ACAN: variants seen among roughly 807,000 people sequenced by gnomAD.
ACAN encodes the protein aggrecan core protein.
Under a neutral mutation model 169.1 loss-of-function variants are expected in ACAN, and 47 were observed. The observed-to-expected ratio is 0.28, with a 90% CI of 0.22 to 0.35. The LOEUF is 0.35. Among genes scored for constraint, ACAN ranks in the 10% least tolerant of loss-of-function variants. The pLI, the probability that ACAN is intolerant of heterozygous loss-of-function variation, is 1.00. For missense variants in ACAN, 2,716 were observed against 2,759.9 expected (o/e 0.98, Z 0.36); for synonymous variants, 1,115 against 1,112.2 (o/e 1.00, Z -0.05).
chr15:88,839,869 G>A lies in ACAN; in HGVS notation c.455-143G>A, dbSNP rs1896604393. On this transcript the variant is annotated intron_variant, in intron 3 of 18. Transcript: ENST00000560601. This position sits in a 1 kb window ranked among gnomAD's most constrained non-coding sequence, Gnocchi z 4.5. Reference sequence around the variant, plus strand: ...AAATTCAGAAGGATCACGTGCAAAGGTGTACAGGGAGTCATGCATCAGCCC... The same window carrying A: ...AAATTCAGAAGGATCACGTGCAAAGATGTACAGGGAGTCATGCATCAGCCC... 1.1e-6 allele frequency: 1 copy of A among 908,682 alleles called. No homozygotes were observed. The highest frequency in any genetic ancestry group is 1.7e-5 in the African/African-American group (1 of 60,208). The allele number at this position is 908,682 out of a possible 1,614,324, so 56.3% of individuals were successfully genotyped here. A position where few individuals can be genotyped will look rare whatever the true frequency, so the allele number is the denominator to read the frequency against.
At chr15:88,863,810 A>G (rs545040935) in intron 13 of ACAN, among the ~76,000 whole-genome samples, 1 of 152,386 alleles carries the variant, frequency 6.6e-6, no homozygotes, top group Non-Finnish European at 1.5e-5. Flanking sequence ...GTGAAAATAC[A>G]AAGTATGCCT....
At chr15:88,867,548 G>A (rs141893744) in intron 13 of ACAN, among the ~76,000 whole-genome samples, 179 of 152,274 alleles carry the variant, frequency 1.2e-3, no homozygotes, top group African/African-American at 3.8e-3. Flanking sequence ...TCCCTCTCCC[G>A]AGAGAAAGAT....
intron 1 of ACAN, among the ~76,000 whole-genome samples, chr15:88,808,599 C>T (rs1015830840): frequency 1.3e-5 from 2 of 152,140 alleles, no homozygotes; most frequent in Non-Finnish European, 2.9e-5. Flanking sequence ...TGTCTGGAGA[C>T]ATTTTTTGTT....
intron 1 of ACAN, among the ~76,000 whole-genome samples, chr15:88,810,455 C>T (rs919629464): frequency 2.0e-5 from 3 of 152,098 alleles, no homozygotes; most frequent in Non-Finnish European, 2.9e-5. Flanking sequence ...GCCGCCGCCT[C>T]GGGTCCTGTG....
Position 88,839,065 on chromosome 15 carries a change from GACAGACGCTGCTTCACCC to G in ACAN, c.454+23_454+40del, listed in dbSNP as rs920725677. 2.5e-6 allele frequency: 4 copies of G among 1,597,466 alleles called. No individual in the cohort carries two copies. The African/African-American group carries it at 5.3e-5, about 21-fold the overall frequency. The stretch of plus-strand genomic sequence containing the variant: ...GTGAAAGGTGAGAGCCTCCCACAGG[GACAGACGCTGCTTCACCC>G]ACATAAAGAACCAGAGCAGTCTCCG... On this transcript the variant is annotated intron_variant, in intron 3 of 18. Coordinates refer to ENST00000560601, the MANE Select transcript of ACAN (RefSeq NM_001369268.1). The surrounding 1 kb of genome is among the most constrained non-coding windows in gnomAD (Gnocchi z 4.5).
chr15:88,851,672 T>A lies in ACAN; in HGVS notation c.2027-122T>A. 1 of 1,232,648 alleles carries A rather than the reference T, an allele frequency of 8.1e-7. No homozygotes were observed. Among genetic ancestry groups the A allele is most frequent in the South Asian group, 1.7e-5 (1 of 59,928 alleles). The allele number at this position is 1,232,648 out of a possible 1,614,324, so 76.4% of individuals were successfully genotyped here. ...CTAAGCGAGAAGGCAAACAGCCATC[T>A]GCTGAACTAGGAGGTGGGGCCTGGC... On this transcript the variant is annotated intron_variant, in intron 10 of 18. Coordinates refer to ENST00000560601, the MANE Select transcript of ACAN (RefSeq NM_001369268.1). The surrounding 1 kb of genome is among the most constrained non-coding windows in gnomAD (Gnocchi z 4.3).
intron 1 of ACAN, among the ~76,000 whole-genome samples, chr15:88,809,450 G>T (rs1350684373): frequency 3.3e-5 from 5 of 152,232 alleles, no homozygotes; most frequent in African/African-American, 1.2e-4. Flanking sequence ...CTCCGAAGGA[G>T]GCCTGTGGGG....
rs1160372106 is a variant in ACAN, at chr15:88,849,916, C to T, written c.2026+185C>T. On this transcript the variant is annotated intron_variant, in intron 10 of 18. Transcript: ENST00000560601. The surrounding 1 kb of genome is among the most constrained non-coding windows in gnomAD (Gnocchi z 5.1). ...TTGACCCCAAGGCAAGGTCATCCTT[C>T]TAAAGTTCCCCAGAGACAAGTAGAG... is the stretch of plus-strand genomic sequence containing the variant. The T allele has an allele frequency of 2.4e-6, 2 of 821,738 alleles. No individual in the cohort carries two copies. Among genetic ancestry groups the T allele is most frequent in the Middle Eastern group, 4.3e-4 (2 of 4,602 alleles). The allele number at this position is 821,738 out of a possible 1,614,324, so 50.9% of individuals were successfully genotyped here.
At position 88,871,876 on chromosome 15, in the gene ACAN, G is replaced by A. The variant is rs372227634; in HGVS notation, c.7220-127G>A. On this transcript the variant is annotated intron_variant, in intron 15 of 18. Transcript: ENST00000560601. This position sits in a 1 kb window ranked among gnomAD's most constrained non-coding sequence, Gnocchi z 7.8. ...CCTCTTGTGAGGACCTGAGAAGCAC[G>A]TGCCTTGCTCCTAGGAGCCCACCCA... The A allele has an allele frequency of 2.3e-5, 20 of 863,936 alleles. No individual in the cohort carries two copies. The highest frequency in any genetic ancestry group is 3.6e-5 in the Non-Finnish European group (19 of 522,112). The allele number at this position is 863,936 out of a possible 1,614,324, so 53.5% of individuals were successfully genotyped here.
chr15:88,845,983 G>T, intron 7 of ACAN, 101 bp downstream of exon 7: 1 of 1,277,658 alleles, frequency 7.8e-7, no homozygotes. Flanking sequence ...TACTTAACCT[G>T]GCACGTGGGA....
rs985892894 is a variant in ACAN, at chr15:88,847,135, A to C, written c.1430-108A>C. The C allele has an allele frequency of 3.9e-5, 48 of 1,234,452 alleles. 1 individual carries two copies. The East Asian group carries it at 1.2e-3, about 31-fold the overall frequency. The allele number at this position is 1,234,452 out of a possible 1,614,324, so 76.5% of individuals were successfully genotyped here. A position where few individuals can be genotyped will look rare whatever the true frequency, so the allele number is the denominator to read the frequency against. Reference sequence around the variant, plus strand: ...GATTTCAGCCTGCATTGCCCAGATAAATCCAATATGTCAGGCAGCAGGAGT... The same window carrying C: ...GATTTCAGCCTGCATTGCCCAGATACATCCAATATGTCAGGCAGCAGGAGT... On this transcript the variant is annotated intron_variant, in intron 7 of 18. Transcript: ENST00000560601.
At chr15:88,833,581 G>A (rs759949821) in intron 1 of ACAN, among the ~76,000 whole-genome samples, 2 of 151,886 alleles carry the variant, frequency 1.3e-5, no homozygotes, top group Non-Finnish European at 2.9e-5. Flanking sequence ...AGACAGAATG[G>A]AATTTCTCCC....
Position 88,868,099 on chromosome 15 carries a change from A to G in ACAN, c.6947-117A>G, listed in dbSNP as rs1897309266. On this transcript the variant is annotated intron_variant, in intron 13 of 18. Coordinates refer to ENST00000560601, the MANE Select transcript of ACAN (RefSeq NM_001369268.1). The surrounding 1 kb of genome is among the most constrained non-coding windows in gnomAD (Gnocchi z 5.2). ...GCAACAGTTCTCAGGAAAACCAGCC[A>G]GTTCCCTCCCAGGGGTCTGGAGAGC... 2 of 621,740 alleles carry G rather than the reference A, an allele frequency of 3.2e-6. No individual in the cohort carries two copies. Among genetic ancestry groups the G allele is most frequent in the Admixed American group, 2.7e-5 (1 of 37,582 alleles). 38.5% of individuals were successfully genotyped at this position (621,740 alleles called of 1,614,324 possible). A position where few individuals can be genotyped will look rare whatever the true frequency, so the allele number is the denominator to read the frequency against.
At chr15:88,864,865 G>C (rs773914809) in intron 13 of ACAN, among the ~76,000 whole-genome samples, 1 of 152,192 alleles carries the variant, frequency 6.6e-6, no homozygotes, top group Non-Finnish European at 1.5e-5. Flanking sequence ...TCATATTGTA[G>C]TCTTTATGAG....
chr15:88,865,027 C>A (rs1353917526), intron 13 of ACAN, among the ~76,000 whole-genome samples: 2 of 152,300 alleles, frequency 1.3e-5, no homozygotes, highest in East Asian at 1.9e-4. Flanking sequence ...AAGGTGGAGG[C>A]CTGACGTCTC....
chr15:88,855,036 G>A lies in ACAN; in HGVS notation c.2451G>A (p.Leu817=). ...PSVRPFPSVE[L]FPSEEPFPSK... ...TGAGGCCATTCCCCTCAGTGGAGCT[G>A]TTCCCCTCAGAGGAGCCATTCCCCT... is the stretch of plus-strand genomic sequence containing the variant. Residue 817 remains leucine (L), a synonymous_variant, in exon 12 of 19, where the codon CTG becomes CTA. Transcript: ENST00000560601. 1.3e-6 allele frequency: 2 copies of A among 1,591,166 alleles called. No individual in the cohort carries two copies. Among genetic ancestry groups the A allele is most frequent in the Non-Finnish European group, 8.5e-7 (1 of 1,170,346 alleles).
intron 1 of ACAN, among the ~76,000 whole-genome samples, chr15:88,815,361 C>A (rs545078891): frequency 1.3e-5 from 2 of 151,924 alleles, no homozygotes; most frequent in Non-Finnish European, 2.9e-5. Context: ...GAGTTTGAGA[C>A]CAGCTTGGGC....
At chr15:88,847,752 G>A (rs911437657) in intron 8 of ACAN, among the ~76,000 whole-genome samples, 159 bp from the exon 9 acceptor site, 10 of 152,178 alleles carry the variant, frequency 6.6e-5, no homozygotes, top group Non-Finnish European at 8.8e-5. Context: ...AGGCTGCTCA[G>A]AGAACTTGCT....
intron 1 of ACAN, among the ~76,000 whole-genome samples, chr15:88,827,535 G>A (rs529341329): frequency 1.4e-4 from 21 of 152,054 alleles, no homozygotes; most frequent in Middle Eastern, 3.4e-3. Context: ...ATTTAAATTC[G>A]ATATAGATGC....
Sources: gnomAD v4.1 joint callset for allele counts (sites outside exome capture counted in the v4.1 genomes callset) on GRCh38, gnomAD v4.1.1 for gene constraint, Gnocchi (gnomAD v3.1) non-coding constraint, MANE v1.5 for transcripts, NCBI Gene and HGNC (gene_info 2026-07-23, HGNC 2026-07-21) for gene names.